Variants in PTPRD observed in about 807,000 individuals in gnomAD.
PTPRD encodes receptor-type tyrosine-protein phosphatase delta.
A neutral mutation model predicts 214.5 loss-of-function variants in PTPRD; 34 were observed. That is an observed-to-expected ratio of 0.16 (90% CI 0.12 to 0.21). The LOEUF is 0.21. PTPRD is among the 10% of genes least tolerant of loss of function. The pLI, the probability that PTPRD is intolerant of heterozygous loss-of-function variation, is 1.00. For synonymous variants in PTPRD, 1,128 were observed against 845.7 expected (o/e 1.33, Z -5.79); for missense variants, 2,545 against 2,398.7 (o/e 1.06, Z -1.27).
intron 10 of PTPRD, among the ~76,000 whole-genome samples, chr9:9,132,260 C>T (rs1477744438): frequency 1.3e-5 from 2 of 152,140 alleles, no homozygotes; most frequent in African/African-American, 2.4e-5. Flanking sequence ...CCGCCCGCTT[C>T]GGCCTCCCAA....
At chr9:9,861,542 G>A (rs146533321) in intron 5 of PTPRD, among the ~76,000 whole-genome samples, 1,924 of 152,216 alleles carry the variant, frequency 0.013, 47 homozygotes, top group African/African-American at 0.044. Context: ...CGCCCACCTC[G>A]GCCTCTCAAA....
chr9:9,545,433 T>C (rs948543505), intron 8 of PTPRD, among the ~76,000 whole-genome samples: 1 of 151,898 alleles, frequency 6.6e-6, no homozygotes, highest in Non-Finnish European at 1.5e-5. Flanking sequence ...TCTTTTCACA[T>C]AGTAATATGC....
chr9:8,760,689 C>T (rs1294934176), intron 11 of PTPRD, among the ~76,000 whole-genome samples: 1 of 151,848 alleles, frequency 6.6e-6, no homozygotes, highest in Non-Finnish European at 1.5e-5. Flanking sequence ...AGAGCTATCA[C>T]TTTGATTCTT....
At chr9:8,693,657 G>A (rs1351842593) in intron 12 of PTPRD, among the ~76,000 whole-genome samples, 3 of 152,208 alleles carry the variant, frequency 2.0e-5, no homozygotes, top group Admixed American at 6.5e-5. Context: ...CTGGTTACGA[G>A]GAAATGTAGC....
At chr9:9,354,846 C>A (rs1024471153) in intron 9 of PTPRD, among the ~76,000 whole-genome samples, 1 of 151,602 alleles carries the variant, frequency 6.6e-6, no homozygotes, top group Non-Finnish European at 1.5e-5. Flanking sequence ...ATGAAGATAT[C>A]TGGAGGAAAA....
intron 5 of PTPRD, among the ~76,000 whole-genome samples, chr9:9,774,902 C>T (rs1460759095): frequency 1.3e-5 from 2 of 152,114 alleles, no homozygotes; most frequent in Admixed American, 1.3e-4. Context: ...ATCTTCAAAA[C>T]AATCATAAGC....
At chr9:8,875,505 G>A (rs1179227335) in intron 11 of PTPRD, among the ~76,000 whole-genome samples, 2 of 152,090 alleles carry the variant, frequency 1.3e-5, no homozygotes, top group East Asian at 1.9e-4. Context: ...GTTCCTTTGT[G>A]CTTCAGTTCA....
chr9:10,449,835 A>T (rs1400734284), intron 2 of PTPRD, among the ~76,000 whole-genome samples: 1 of 151,810 alleles, frequency 6.6e-6, no homozygotes, highest in Non-Finnish European at 1.5e-5. Flanking sequence ...GAGAGATCAG[A>T]TTGTTACTGT....
chr9:10,371,786 A>G (rs1161786617), intron 2 of PTPRD, among the ~76,000 whole-genome samples: 2 of 152,136 alleles, frequency 1.3e-5, no homozygotes, highest in African/African-American at 2.4e-5. Context: ...AATTTAGTAT[A>G]GAAACCATTT....
intron 25 of PTPRD, 98 bp downstream of exon 25, chr9:8,499,549 T>A: frequency 7.8e-7 from 1 of 1,281,274 alleles, no homozygotes; most frequent in Non-Finnish European, 1.1e-6. Flanking sequence ...GTATAGGATT[T>A]TTTAAATGTC....
intron 6 of PTPRD, among the ~76,000 whole-genome samples, chr9:9,760,332 A>G (rs1454222861): frequency 6.6e-6 from 1 of 152,168 alleles, no homozygotes. Flanking sequence ...TATGTAAGAC[A>G]AAGTCCAGGA....
At chr9:8,629,149 C>T (rs59491055) in intron 14 of PTPRD, among the ~76,000 whole-genome samples, 1 of 151,740 alleles carries the variant, frequency 6.6e-6, no homozygotes, top group East Asian at 1.9e-4. Context: ...AACATGATGA[C>T]ATTTAGTAAG....
intron 10 of PTPRD, among the ~76,000 whole-genome samples, chr9:9,071,628 C>A (rs980736271): frequency 1.3e-5 from 2 of 152,074 alleles, no homozygotes; most frequent in Non-Finnish European, 2.9e-5. Context: ...CAGACCAAAG[C>A]AATATTAATT....
Position 10,568,238 on chromosome 9 carries a change from T to G in PTPRD, c.-600+44160A>C, listed in dbSNP as rs976710243. Reference sequence around the variant, plus strand: ...GGTGTTTGGTTTTTTGTCCTTGTGATAGTTTGCCAAGAATGATGGTTTCCA... The same window carrying G: ...GGTGTTTGGTTTTTTGTCCTTGTGAGAGTTTGCCAAGAATGATGGTTTCCA... On this transcript the variant is annotated intron_variant, in intron 2 of 45. Coordinates refer to ENST00000381196, the MANE Select transcript of PTPRD (RefSeq NM_002839.4). 4.6e-5 allele frequency among the ~76,000 whole-genome samples: 7 copies of G among 152,046 alleles called. No individual in the cohort carries two copies. In the East Asian group the frequency reaches 9.7e-4, roughly 21 times the overall value.
At chr9:8,868,048 T>C (rs895769835) in intron 11 of PTPRD, among the ~76,000 whole-genome samples, 2 of 152,178 alleles carry the variant, frequency 1.3e-5, no homozygotes, top group African/African-American at 2.4e-5. Context: ...GGAGTCCAAA[T>C]GTTTGGACTT....
At chr9:10,068,094 G>T (rs1054546345) in intron 3 of PTPRD, among the ~76,000 whole-genome samples, 1 of 151,880 alleles carries the variant, frequency 6.6e-6, no homozygotes, top group Non-Finnish European at 1.5e-5. Flanking sequence ...GATTCAACAG[G>T]TCTATTGAAA....
chr9:8,885,289 A>T (rs1412285659), intron 11 of PTPRD, among the ~76,000 whole-genome samples: 2 of 152,004 alleles, frequency 1.3e-5, no homozygotes, highest in African/African-American at 4.8e-5. Flanking sequence ...CCAATCATCC[A>T]TTTTCCTGGG....
At chr9:9,147,212 G>T (rs2099870074) in intron 10 of PTPRD, among the ~76,000 whole-genome samples, 1 of 150,190 alleles carries the variant, frequency 6.7e-6, no homozygotes, top group African/African-American at 2.5e-5. Flanking sequence ...CTAAAAACCT[G>T]AATAATGATA....
At chr9:10,303,269 G>C (rs1338326832) in intron 3 of PTPRD, among the ~76,000 whole-genome samples, 1 of 152,030 alleles carries the variant, frequency 6.6e-6, no homozygotes, top group Non-Finnish European at 1.5e-5. Context: ...GCAGTGTTTA[G>C]GGGAAATTTA....
Sources: gnomAD v4.1 joint callset for allele counts (sites outside exome capture counted in the v4.1 genomes callset) on GRCh38, gnomAD v4.1.1 for gene constraint, MANE v1.5 for transcripts, NCBI Gene and HGNC (gene_info 2026-07-23, HGNC 2026-07-21) for gene names.